STIM1: variants seen among roughly 807,000 people sequenced by gnomAD.
The protein encoded by STIM1 is stromal interaction molecule 1.
In STIM1, 25 loss-of-function variants were observed where a neutral mutation model predicts 74.7. The ratio of observed to expected loss-of-function variants is 0.33; its 90% CI spans 0.24 to 0.47. STIM1 has a LOEUF of 0.47. Among genes scored for constraint, STIM1 ranks in the 20% least tolerant of loss-of-function variants. STIM1 has a pLI of 1.00. For missense variants in STIM1, 728 were observed against 920.8 expected, an observed-to-expected ratio of 0.79 and a Z score of 2.71; for synonymous variants, 328 against 348.8, an observed-to-expected ratio of 0.94 and a Z score of 0.66.
intron 3 of STIM1, among the ~76,000 whole-genome samples, chr11:4,051,314 T>C (rs1259581446): frequency 2.0e-5 from 3 of 151,902 alleles, no homozygotes; most frequent in Non-Finnish European, 4.4e-5. Context: ...AAAATATAAA[T>C]ATAGAATCAA....
chr11:3,912,371 A>T (rs2092578868), intron 1 of STIM1, among the ~76,000 whole-genome samples: 1 of 146,114 alleles, frequency 6.8e-6, no homozygotes, highest in African/African-American at 2.5e-5. Flanking sequence ...TTGGGAATAA[A>T]TTTTTTTTTT....
intron 6 of STIM1, among the ~76,000 whole-genome samples, chr11:4,073,034 C>T (rs2094413883): frequency 7.3e-6 from 1 of 137,176 alleles, no homozygotes; most frequent in Non-Finnish European, 1.5e-5. Context: ...CCACTGATAG[C>T]TCTGGACTTA....
Position 4,092,225 on chromosome 11 carries a change from G to C in STIM1, c.*427G>C. ...AGCAGTTGCAGGGAAGATAGGACGA[G>C]TAGCTTCTGACATGTGTGCCTCAGA... On this transcript the variant is annotated 3_prime_UTR_variant, in exon 13 of 13. Transcript: ENST00000526596. 3.2e-6 allele frequency: 1 copy of C among 308,702 alleles called. No homozygotes were observed. Among genetic ancestry groups the C allele is most frequent in the South Asian group, 3.1e-5 (1 of 32,638 alleles). 19.1% of individuals were successfully genotyped at this position (308,702 alleles called of 1,614,324 possible).
In STIM1 at chr11:3,919,465, A is replaced by G. The variant is rs550772530; in HGVS notation, c.140-48087A>G. 3.3e-3 allele frequency among the ~76,000 whole-genome samples: 500 copies of G among 151,744 alleles called. 1 individual carries two copies. Among genetic ancestry groups the G allele is most frequent in the Admixed American group, 7.7e-3 (117 of 15,236 alleles). On this transcript the variant is annotated intron_variant, in intron 1 of 12. Transcript: ENST00000526596. Reference sequence around the variant, plus strand: ...GGTGATCCACCTGCCTCTGCCTCCCAAAGTGCTGGGATTACAGGTGTGAGC... The same window carrying G: ...GGTGATCCACCTGCCTCTGCCTCCCGAAGTGCTGGGATTACAGGTGTGAGC...
At chr11:3,983,513 T>C (rs2093527262) in intron 2 of STIM1, among the ~76,000 whole-genome samples, 1 of 152,216 alleles carries the variant, frequency 6.6e-6, no homozygotes. Flanking sequence ...TCAAAGAATC[T>C]GTGGGACAAC....
At chr11:3,884,101 G>A (rs1289023218) in intron 1 of STIM1, among the ~76,000 whole-genome samples, 1 of 152,114 alleles carries the variant, frequency 6.6e-6, no homozygotes, top group East Asian at 1.9e-4. Flanking sequence ...TAGAGGGGTG[G>A]GGAAGGCCTC....
chr11:3,878,830 C>A (rs1422452629), intron 1 of STIM1, among the ~76,000 whole-genome samples: 1 of 152,196 alleles, frequency 6.6e-6, no homozygotes, highest in African/African-American at 2.4e-5. Flanking sequence ...CTAGCTGCGT[C>A]CTGCCCCAGC....
chr11:3,929,543 A>G (rs902094210), intron 1 of STIM1, among the ~76,000 whole-genome samples: 1 of 152,174 alleles, frequency 6.6e-6, no homozygotes, highest in Non-Finnish European at 1.5e-5. Flanking sequence ...ACAGTGCTTT[A>G]GACTTGGGCT....
chr11:4,037,045 TTTTC>T (rs569371992), intron 3 of STIM1, among the ~76,000 whole-genome samples: 59 of 151,960 alleles, frequency 3.9e-4, no homozygotes, highest in South Asian at 2.1e-4. Context: ...TTTTCCTTTC[TTTTC>T]TTTCTTTCTT....
At chr11:3,865,595 A>G (rs1191756484) in intron 1 of STIM1, among the ~76,000 whole-genome samples, 3 of 152,210 alleles carry the variant, frequency 2.0e-5, no homozygotes, top group Admixed American at 1.3e-4. Flanking sequence ...TGCCTAATAT[A>G]TGCACCCTAT....
At chr11:3,864,257 T>A (rs1273141991) in intron 1 of STIM1, among the ~76,000 whole-genome samples, 1 of 152,234 alleles carries the variant, frequency 6.6e-6, no homozygotes, top group Non-Finnish European at 1.5e-5. Flanking sequence ...CTGTATTGGT[T>A]ACTTATTGGT....
At chr11:3,871,982 C>T (rs2091113797) in intron 1 of STIM1, among the ~76,000 whole-genome samples, 1 of 152,164 alleles carries the variant, frequency 6.6e-6, no homozygotes, top group African/African-American at 2.4e-5. Context: ...CTTTGCAATT[C>T]TTTGGTTTAT....
At chr11:4,088,602 T>A in intron 12 of STIM1, 1 of 1,133,706 alleles carries the variant, frequency 8.8e-7, no homozygotes, top group Non-Finnish European at 1.3e-6. Context: ...AATTCCATGC[T>A]CCAAGGTTTA....
intron 3 of STIM1, among the ~76,000 whole-genome samples, chr11:4,027,118 C>A (rs1206153214): frequency 6.6e-6 from 1 of 152,096 alleles, no homozygotes; most frequent in Non-Finnish European, 1.5e-5. Context: ...ACATTCCTAT[C>A]ACTGGGAATA....
chr11:3,872,601 A>G (rs1383023382), intron 1 of STIM1, among the ~76,000 whole-genome samples: 1 of 147,510 alleles, frequency 6.8e-6, no homozygotes, highest in Non-Finnish European at 1.5e-5. Context: ...GGCTCACTGC[A>G]AGCTCCGGCT....
chr11:3,941,042 A>T (rs890959097), intron 1 of STIM1, among the ~76,000 whole-genome samples: 18 of 152,204 alleles, frequency 1.2e-4, no homozygotes, highest in African/African-American at 4.1e-4. Context: ...GGAGATGTTG[A>T]TAATGATACC....
chr11:4,084,794 T>G (rs1289275751), intron 11 of STIM1, 29 bp downstream of exon 11: 1 of 1,288,180 alleles, frequency 7.8e-7, no homozygotes, highest in Non-Finnish European at 1.0e-6. Context: ...GGGCATTTTG[T>G]TTTTCTGACT....
At chr11:3,989,948 G>A (rs1254397508) in intron 2 of STIM1, among the ~76,000 whole-genome samples, 1 of 152,196 alleles carries the variant, frequency 6.6e-6, no homozygotes, top group Non-Finnish European at 1.5e-5. Flanking sequence ...AATTCAATGG[G>A]TTTTAGTATA....
intron 1 of STIM1, among the ~76,000 whole-genome samples, chr11:3,922,885 G>GT (rs2092735785): frequency 6.6e-6 from 1 of 152,020 alleles, no homozygotes; most frequent in African/African-American, 2.4e-5. Context: ...ATCACCTGAG[G>GT]TCAGGAGATC....
Sources: gnomAD v4.1 joint callset for allele counts (sites outside exome capture counted in the v4.1 genomes callset) on GRCh38, gnomAD v4.1.1 for gene constraint, MANE v1.5 for transcripts, NCBI Gene and HGNC (gene_info 2026-07-23, HGNC 2026-07-21) for gene names.